IRAG1: variants seen among roughly 807,000 people sequenced by gnomAD.
The protein encoded by IRAG1 is IP3R-associated cGMP kinase substrate.
A neutral mutation model predicts 106.2 loss-of-function variants in IRAG1; 62 were observed. The observed-to-expected ratio is 0.58, with a 90% confidence interval of 0.48 to 0.72. The LOEUF is 0.72. IRAG1 is among the 30% of genes least tolerant of loss of function. The pLI, the probability that IRAG1 is intolerant of heterozygous loss-of-function variation, is 0.00. For synonymous variants in IRAG1, 462 were observed against 443.9 expected, an observed-to-expected ratio of 1.04 and a Z score of -0.51; for missense variants, 1,064 against 1,140.7, an observed-to-expected ratio of 0.93 and a Z score of 0.97.
chr11:10,680,390 AAGG>A (rs1308311465), intron 1 of IRAG1, among the ~76,000 whole-genome samples: 4 of 82,726 alleles, frequency 4.8e-5, no homozygotes, highest in African/African-American at 7.5e-5. Context: ...GGAAGGAAGG[AAGG>A]AAGGAAGGAA....
chr11:10,680,516 A>AAGG, intron 1 of IRAG1, among the ~76,000 whole-genome samples: 1 of 133,416 alleles, frequency 7.5e-6, no homozygotes, highest in Non-Finnish European at 1.5e-5. Flanking sequence ...AGGGAAAAAG[A>AAGG]AAGGAAGAAA....
chr11:10,612,623 G>A (rs1333870969), intron 10 of IRAG1, among the ~76,000 whole-genome samples: 1 of 151,804 alleles, frequency 6.6e-6, no homozygotes, highest in Non-Finnish European at 1.5e-5. Context: ...AGATGGCATG[G>A]CAACTATACA....
intron 2 of IRAG1, among the ~76,000 whole-genome samples, chr11:10,638,107 A>G (rs891340736): frequency 6.6e-6 from 1 of 152,218 alleles, no homozygotes; most frequent in South Asian, 2.1e-4. Flanking sequence ...TTAAGCAATC[A>G]GCATCCTCTG....
At chr11:10,611,573 A>G (rs1028398588) in intron 10 of IRAG1, 3 of 152,242 alleles carry the variant, frequency 2.0e-5, no homozygotes, top group Non-Finnish European at 4.4e-5. Flanking sequence ...CAACCAAATT[A>G]ACAACAAAAA....
At chr11:10,680,103 T>G (rs1861027863) in intron 1 of IRAG1, among the ~76,000 whole-genome samples, 1 of 151,580 alleles carries the variant, frequency 6.6e-6, no homozygotes. Flanking sequence ...GTGAAACCTG[T>G]CTCTACTAAA....
chr11:10,684,558 GTAAC>G (rs1861514906), intron 1 of IRAG1, among the ~76,000 whole-genome samples: 1 of 150,194 alleles, frequency 6.7e-6, no homozygotes, highest in South Asian at 2.1e-4. Flanking sequence ...GTATACATAT[GTAAC>G]TAACCTGCAT....
chr11:10,598,387 T>C (rs969143131), intron 15 of IRAG1, among the ~76,000 whole-genome samples: 7 of 152,258 alleles, frequency 4.6e-5, no homozygotes. Context: ...GTCAAAAGAT[T>C]TTCAAGTTTT....
At chr11:10,595,521 C>A (rs1348321901) in intron 15 of IRAG1, among the ~76,000 whole-genome samples, 1 of 151,494 alleles carries the variant, frequency 6.6e-6, no homozygotes, top group Non-Finnish European at 1.5e-5. Context: ...AAAATAATAA[C>A]CCTCCCTCTT....
At chr11:10,609,657 G>A in intron 11 of IRAG1, 71 bp downstream of exon 11, 5 of 1,541,912 alleles carry the variant, frequency 3.2e-6, no homozygotes, top group Non-Finnish European at 4.4e-6. Flanking sequence ...GTGTTCCTCT[G>A]TGTCCCACCT....
At chr11:10,686,999 A>C (rs1016508992) in intron 1 of IRAG1, among the ~76,000 whole-genome samples, 2 of 152,342 alleles carry the variant, frequency 1.3e-5, no homozygotes, top group African/African-American at 4.8e-5. Flanking sequence ...AGGAAAATTC[A>C]TCGCCGCAGA....
At chr11:10,684,909 T>C (rs1017358014) in intron 1 of IRAG1, among the ~76,000 whole-genome samples, 2 of 152,174 alleles carry the variant, frequency 1.3e-5, no homozygotes, top group Non-Finnish European at 2.9e-5. Flanking sequence ...TACCATTTTA[T>C]AGAGCATTTT....
intron 2 of IRAG1, 22 bp from the exon 3 acceptor site, chr11:10,634,093 A>C (rs1310552340): frequency 7.2e-6 from 11 of 1,523,682 alleles, no homozygotes; most frequent in Non-Finnish European, 9.9e-6. Context: ...GAACAAAAAC[A>C]CAGAGTTAGG....
chr11:10,685,215 G>A (rs1474880930), intron 1 of IRAG1, among the ~76,000 whole-genome samples: 1 of 152,184 alleles, frequency 6.6e-6, no homozygotes, highest in Non-Finnish European at 1.5e-5. Context: ...AGGAGGCTGA[G>A]GCAGGTGGAT....
intron 4 of IRAG1, 64 bp from the exon 5 acceptor site, chr11:10,629,775 CCAT>C: frequency 6.7e-7 from 1 of 1,501,694 alleles, no homozygotes; most frequent in South Asian, 1.3e-5. Flanking sequence ...TGAGGTCATG[CCAT>C]ACCATGCCTC....
At chr11:10,618,088 T>G (rs896937861) in intron 10 of IRAG1, among the ~76,000 whole-genome samples, 1 of 152,232 alleles carries the variant, frequency 6.6e-6, no homozygotes, top group South Asian at 2.1e-4. Flanking sequence ...GTTCCCACCT[T>G]GTTGCCCATC....
At chr11:10,606,929 A>G (rs958174386) in intron 11 of IRAG1, among the ~76,000 whole-genome samples, 157 bp from the exon 12 acceptor site, 5 of 152,112 alleles carry the variant, frequency 3.3e-5, no homozygotes, top group Non-Finnish European at 7.4e-5. Flanking sequence ...GTGCTCTGTC[A>G]CCTGTGAGAT....
At position 10,657,377 on chromosome 11, in the gene IRAG1, G is replaced by A. The variant is rs1201280984; in HGVS notation, c.68-5195C>T. On this transcript the variant is annotated intron_variant, in intron 1 of 20. Coordinates refer to ENST00000423302, the MANE Select transcript of IRAG1 (RefSeq NM_130385.4). The surrounding 1 kb of genome is among the most constrained non-coding windows in gnomAD (Gnocchi z 4.1). ...AGCCTGTTCTCGGCAGGCAGCAGCA[G>A]CCTCTCATCATGGCGCCAAAGATGC... Among the ~76,000 whole-genome samples the A allele has an allele frequency of 1.3e-5, 2 of 152,174 alleles. No individual in the cohort carries two copies. Among genetic ancestry groups the A allele is most frequent in the African/African-American group, 4.8e-5 (2 of 41,426 alleles).
intron 12 of IRAG1, among the ~76,000 whole-genome samples, chr11:10,605,094 T>A (rs574595006): frequency 6.6e-6 from 1 of 152,378 alleles, no homozygotes; most frequent in African/African-American, 2.4e-5. Context: ...CCAGGTATGA[T>A]TCTGTTCGGT....
chr11:10,605,566 C>A (rs1191367449), intron 12 of IRAG1, among the ~76,000 whole-genome samples: 3 of 152,204 alleles, frequency 2.0e-5, no homozygotes, highest in African/African-American at 7.2e-5. Flanking sequence ...AGGCCAAGAC[C>A]AGAACGGTCA....
Sources: gnomAD v4.1 joint callset for allele counts (sites outside exome capture counted in the v4.1 genomes callset) on GRCh38, gnomAD v4.1.1 for gene constraint, Gnocchi (gnomAD v3.1) non-coding constraint, MANE v1.5 for transcripts, NCBI Gene and HGNC (gene_info 2026-07-23, HGNC 2026-07-21) for gene names.